GPR83: variants seen among roughly 807,000 people sequenced by gnomAD.
GPR83 encodes G-protein coupled receptor 72.
In GPR83, 23 loss-of-function variants were observed where a neutral mutation model predicts 28.0. The ratio of observed to expected loss-of-function variants is 0.82; its 90% CI spans 0.59 to 1.16. The LOEUF is 1.16. GPR83 is among the 50% of genes most tolerant of loss of function. The pLI is 0.00. For synonymous variants in GPR83, 234 were observed against 215.4 expected (o/e 1.09, Z -0.76); for missense variants, 610 against 536.6 (o/e 1.14, Z -1.35).
At position 94,393,562 on chromosome 11, in the gene GPR83, G is replaced by A. The variant is rs146239967; in HGVS notation, c.570C>T (p.Ile190=). The change falls in exon 3 of 4, where the codon ATC becomes ATT. Residue 190 remains isoleucine, a synonymous_variant. Transcript: ENST00000243673. ...RISITKGVIY[I]AVIWTMATFF... ...ACGTAGCCATGGTCCAGATGACAGC[G>A]ATGTAGATGACACCCTTTGTGATTG... 2.8e-5 allele frequency: 45 copies of A among 1,613,514 alleles called. No individual in the cohort carries two copies. The African/African-American group carries it at 3.3e-4, about 12-fold the overall frequency.
rs1181428918 is a variant in GPR83 at position 94,378,164 on chromosome 11, A to T, written c.*1985T>A. 1 of 150,846 alleles carries T rather than the reference A, an allele frequency of 6.6e-6. No homozygotes were observed. Among genetic ancestry groups the T allele is most frequent in the Non-Finnish European group, 1.5e-5 (1 of 67,696 alleles). The allele number at this position is 150,846 out of a possible 1,614,324, so 9.3% of individuals were successfully genotyped here. On this transcript the variant is annotated 3_prime_UTR_variant, in exon 4 of 4. Transcript: ENST00000243673. ...AAAGTCATGGTTTTGCCCATAATTC[A>T]GTGAGTTTTCAAAATCTTGTGTCTT...
At chr11:94,399,997 C>T (rs1167660492) in intron 1 of GPR83, among the ~76,000 whole-genome samples, 1 of 152,230 alleles carries the variant, frequency 6.6e-6, no homozygotes, top group African/African-American at 2.4e-5. Flanking sequence ...CCCCTCATTT[C>T]TTCCTCAACA....
intron 3 of GPR83, among the ~76,000 whole-genome samples, chr11:94,385,496 T>C (rs1944744631): frequency 6.6e-6 from 1 of 152,094 alleles, no homozygotes; most frequent in Admixed American, 6.5e-5. Context: ...TGCTGAGAAG[T>C]CCTTAAAGGA....
intron 2 of GPR83, among the ~76,000 whole-genome samples, chr11:94,395,990 C>T (rs997179068): frequency 3.3e-5 from 5 of 152,200 alleles, no homozygotes; most frequent in Admixed American, 6.5e-5. Context: ...GAGGCTGAGG[C>T]GGGTGGATCA....
At position 94,393,471 on chromosome 11, in the gene GPR83, C is replaced by A. The variant is rs771296658; in HGVS notation, c.647+14G>T. The A allele has an allele frequency of 6.2e-6, 10 of 1,613,408 alleles. No homozygotes were observed. Among genetic ancestry groups the A allele is most frequent in the Non-Finnish European group, 8.5e-6 (10 of 1,179,546 alleles). On this transcript the variant is annotated intron_variant, in intron 3 of 3. Coordinates refer to ENST00000243673, the MANE Select transcript of GPR83 (RefSeq NM_016540.4). Reference sequence around the variant, plus strand: ...ACACAAGTCCCCAGGCAGATCCCAACGAATTCATCTCACCTGTATTTGAAG... The same window carrying A: ...ACACAAGTCCCCAGGCAGATCCCAAAGAATTCATCTCACCTGTATTTGAAG...
At position 94,400,951 on chromosome 11, in the gene GPR83, G is replaced by T; in HGVS notation, c.297C>A (p.Asn99Lys). ...GGCTGGTGGCCGAGTGCATTCGCTG[G>T]TTCTTGAAGATGACATGACAGACCA... ...NVLVCHVIFK[N>K]QRMHSATSLF... is the part of the protein sequence containing the mutation. The change falls in exon 1 of 4, where the codon AAC (asparagine) becomes AAA (lysine). Residue 99 changes from asparagine (N) to lysine (K), a missense_variant. By Grantham distance (94) the Asn-to-Lys change is moderately conservative (BLOSUM62 0). Coordinates refer to ENST00000243673, the MANE Select transcript of GPR83 (RefSeq NM_016540.4). The T allele has an allele frequency of 2.5e-6, 4 of 1,614,128 alleles. No individual in the cohort carries two copies. Among genetic ancestry groups the T allele is most frequent in the Non-Finnish European group, 2.5e-6 (3 of 1,179,950 alleles).
intron 3 of GPR83, among the ~76,000 whole-genome samples, chr11:94,391,425 C>T (rs1944815485): frequency 6.6e-6 from 1 of 152,102 alleles, no homozygotes; most frequent in Non-Finnish European, 1.5e-5. Context: ...GACTTCATGT[C>T]TAAAATACCA....
At chr11:94,383,293 T>G (rs965823673) in intron 3 of GPR83, among the ~76,000 whole-genome samples, 1 of 152,022 alleles carries the variant, frequency 6.6e-6, no homozygotes, top group Non-Finnish European at 1.5e-5. Flanking sequence ...CCAAGAAGAA[T>G]GAAGACACAA....
Position 94,380,068 on chromosome 11 carries a change from G to A in GPR83, c.*81C>T. 8.7e-7 allele frequency: 1 copy of A among 1,154,626 alleles called. No homozygotes were observed. 71.5% of individuals were successfully genotyped at this position (1,154,626 alleles called of 1,614,324 possible). A position where few individuals can be genotyped will look rare whatever the true frequency, so the allele number is the denominator to read the frequency against. On this transcript the variant is annotated 3_prime_UTR_variant, in exon 4 of 4. Transcript: ENST00000243673. ...TGCAGGAGTGTGTTTCCAGCACTCT[G>A]AAGATCATGTGTGAGAATAGGCTCT... is the stretch of plus-strand genomic sequence containing the variant.
At chr11:94,385,922 GA>G (rs1256702485) in intron 3 of GPR83, among the ~76,000 whole-genome samples, 5 of 152,104 alleles carry the variant, frequency 3.3e-5, no homozygotes, top group African/African-American at 1.2e-4. Flanking sequence ...TGAAACGAAG[GA>G]AAAAATGTTA....
intron 3 of GPR83, among the ~76,000 whole-genome samples, chr11:94,387,153 C>T (rs1224455480): frequency 6.6e-6 from 1 of 152,108 alleles, no homozygotes; most frequent in Non-Finnish European, 1.5e-5. Context: ...CAACATACCA[C>T]AATCTCTGGG....
chr11:94,392,845 A>G (rs1944830623), intron 3 of GPR83, among the ~76,000 whole-genome samples: 1 of 151,926 alleles, frequency 6.6e-6, no homozygotes, highest in Non-Finnish European at 1.5e-5. Flanking sequence ...AAATCACTCT[A>G]AGATCATTCA....
rs543483307 is a variant in GPR83, at chr11:94,384,075, G to A, written c.648-3302C>T. Reference sequence around the variant, plus strand: ...CAACATCCCTGAGGAACATGAATGCGAAAATCCTCAATAAAATACTGGCAA... The same window carrying A: ...CAACATCCCTGAGGAACATGAATGCAAAAATCCTCAATAAAATACTGGCAA... On this transcript the variant is annotated intron_variant, in intron 3 of 3. Coordinates refer to ENST00000243673, the MANE Select transcript of GPR83 (RefSeq NM_016540.4). Among the ~76,000 whole-genome samples the A allele has an allele frequency of 1.3e-4, 20 of 152,096 alleles. No homozygotes were observed. The Middle Eastern group carries it at 0.01, about 78-fold the overall frequency.
chr11:94,383,404 C>T (rs895210075), intron 3 of GPR83, among the ~76,000 whole-genome samples: 1 of 152,000 alleles, frequency 6.6e-6, no homozygotes, highest in Non-Finnish European at 1.5e-5. Context: ...AAATTGACAC[C>T]TTAACATCAA....
At chr11:94,399,313 G>C (rs578173840) in intron 1 of GPR83, among the ~76,000 whole-genome samples, 2 of 152,336 alleles carry the variant, frequency 1.3e-5, no homozygotes, top group East Asian at 3.9e-4. Flanking sequence ...CCATCAATAC[G>C]TTAGACGTAG....
In GPR83 at chr11:94,401,266, C is replaced by G. The variant is rs748644496; in HGVS notation, c.-19G>C. 1 of 1,563,734 alleles carries G rather than the reference C, an allele frequency of 6.4e-7. No individual in the cohort carries two copies. The highest frequency in any genetic ancestry group is 1.2e-5 in the South Asian group (1 of 84,562). On this transcript the variant is annotated 5_prime_UTR_variant, in exon 1 of 4. Transcript: ENST00000243673. ...GGACCATTTTGCAGGAGCCACCCCT[C>G]CCCTGGGAGCCTGCGGGCCGGGCGT...
rs1944861613 is a variant in GPR83, at chr11:94,395,978, G to A, written c.513+421C>T. Among the ~76,000 whole-genome samples the A allele has an allele frequency of 2.0e-5, 3 of 152,342 alleles. No individual in the cohort carries two copies. In the South Asian group the frequency reaches 6.2e-4, roughly 32 times the overall value. ...CTCACGTCTGTAATTCCAGCACTTTGGGAGGCTGAGGCGGGTGGATCACCT... is the reference window on the plus strand; with the variant it reads ...CTCACGTCTGTAATTCCAGCACTTTAGGAGGCTGAGGCGGGTGGATCACCT... On this transcript the variant is annotated intron_variant, in intron 2 of 3. Coordinates refer to ENST00000243673, the MANE Select transcript of GPR83 (RefSeq NM_016540.4).
chr11:94,390,339 A>G (rs1023728853), intron 3 of GPR83, among the ~76,000 whole-genome samples: 3 of 152,090 alleles, frequency 2.0e-5, no homozygotes, highest in Admixed American at 2.0e-4. Context: ...AAAAAGAAAG[A>G]TTTATGACAA....
intron 3 of GPR83, 47 bp from the exon 4 acceptor site, chr11:94,380,820 T>C (rs1944680010): frequency 6.6e-7 from 1 of 1,520,730 alleles, no homozygotes; most frequent in South Asian, 1.2e-5. Context: ...AGAAAGGAGA[T>C]ATTAGTGTGG....
Sources: allele counts gnomAD v4.1 joint callset (sites outside exome capture counted in the v4.1 genomes callset), GRCh38; gene constraint gnomAD v4.1.1; transcripts MANE v1.5; gene names NCBI Gene and HGNC (gene_info 2026-07-23, HGNC 2026-07-21).